The following CD36 variants were observed in gnomAD, a reference collection of about 807,000 sequenced individuals.
The protein encoded by CD36 is CD36 molecule (CD36 blood group).
In CD36, 119 loss-of-function variants were observed where a neutral mutation model predicts 55.2. That is an observed-to-expected ratio of 2.15 (90% confidence interval 1.86 to 2.51). CD36 has a LOEUF of 2.51. Ranked by LOEUF, CD36 falls within the 30% of genes most tolerant of loss-of-function variation. The probability of loss-of-function intolerance (pLI) is 0.00; values close to 1 mark genes in which losing one functional copy is unlikely to be tolerated. For synonymous variants in CD36, 186 were observed against 193.6 expected (o/e 0.96, Z 0.33); for missense variants, 819 against 555.5 (o/e 1.47, Z -4.77).
At chr7:80,610,734 C>G (rs937051799) in intron 1 of CD36, among the ~76,000 whole-genome samples, 2 of 152,040 alleles carry the variant, frequency 1.3e-5, no homozygotes, top group Non-Finnish European at 2.9e-5. Flanking sequence ...GCCACCACGC[C>G]TGGCTAATTT....
Position 80,677,580 on chromosome 7 carries a change from C to T in CD36, c.*1197C>T, listed in dbSNP as rs991648436. ...TGCTTAAAGCATACTTAGTGCCTTTCCTTTTAACTGGGAAGATAAAAGAAG... is the reference window on the plus strand; with the variant it reads ...TGCTTAAAGCATACTTAGTGCCTTTTCTTTTAACTGGGAAGATAAAAGAAG... On this transcript the variant is annotated 3_prime_UTR_variant, in exon 15 of 15. Transcript: ENST00000447544. 7.9e-5 allele frequency: 12 copies of T among 152,122 alleles called. No individual in the cohort carries two copies. Among genetic ancestry groups the T allele is most frequent in the African/African-American group, 2.7e-4 (11 of 41,424 alleles). The allele number at this position is 152,122 out of a possible 1,614,324, so 9.4% of individuals were successfully genotyped here. A position where few individuals can be genotyped will look rare whatever the true frequency, so the allele number is the denominator to read the frequency against.
intron 13 of CD36, 170 bp downstream of exon 13, chr7:80,673,579 A>T (rs1001555348): frequency 1.0e-5 from 6 of 584,536 alleles, no homozygotes; most frequent in Admixed American, 3.2e-5. Context: ...GAACAAAAAC[A>T]TTTCCTATCA....
chr7:80,641,205 T>A (rs1226572638), intron 1 of CD36, among the ~76,000 whole-genome samples: 1 of 152,074 alleles, frequency 6.6e-6, no homozygotes, highest in Non-Finnish European at 1.5e-5. Context: ...CTAAACATGA[T>A]TTTATAAAGA....
intron 8 of CD36, 40 bp downstream of exon 8, chr7:80,666,529 C>A: frequency 2.1e-6 from 3 of 1,449,244 alleles, no homozygotes; most frequent in Non-Finnish European, 2.9e-6. Flanking sequence ...GTTAATCCAC[C>A]TCCCTTTCCC....
intron 1 of CD36, among the ~76,000 whole-genome samples, chr7:80,609,046 T>C (rs1018688262): frequency 1.3e-5 from 2 of 151,562 alleles, no homozygotes; most frequent in Non-Finnish European, 2.9e-5. Flanking sequence ...TAAACCCAAA[T>C]TTTGTCATGC....
chr7:80,652,005 TATA>T (rs1261182037), intron 3 of CD36, among the ~76,000 whole-genome samples: 1 of 152,166 alleles, frequency 6.6e-6, no homozygotes, highest in African/African-American at 2.4e-5. Flanking sequence ...TATTTCCAGA[TATA>T]ATAAAATAAT....
chr7:80,664,828 A>G (rs879274391), intron 7 of CD36, among the ~76,000 whole-genome samples: 4 of 143,980 alleles, frequency 2.8e-5, no homozygotes, highest in Non-Finnish European at 6.1e-5. Context: ...TATTCTTACA[A>G]TTAGATAACC....
intron 1 of CD36, among the ~76,000 whole-genome samples, chr7:80,611,246 C>G (rs10429164): frequency 0.13 from 19,267 of 152,152 alleles, 1,740 homozygotes; most frequent in East Asian, 0.34. Context: ...CTCTGCCCCC[C>G]TGTTGTGACC....
At position 80,671,001 on chromosome 7, in the gene CD36, C is replaced by G. The variant is rs372529585; in HGVS notation, c.843C>G (p.Ser281=). 6.2e-7 allele frequency: 1 copy of G among 1,613,014 alleles called. No homozygotes were observed. Among genetic ancestry groups the G allele is most frequent in the South Asian group, 1.1e-5 (1 of 91,058 alleles). ...ICRSIYAVFE[S]DVNLKGIPVY... ...GGTCAATCTATGCTGTATTTGAATC[C>G]GACGTTAATCTGAAAGGAATCCCTG... Residue 281 remains serine, a synonymous_variant, in exon 10 of 15, where the codon TCC becomes TCG. Transcript: ENST00000447544.
At chr7:80,629,460 A>G (rs1210532746) in intron 1 of CD36, among the ~76,000 whole-genome samples, 1 of 152,036 alleles carries the variant, frequency 6.6e-6, no homozygotes, top group Non-Finnish European at 1.5e-5. Context: ...GTACCTTGAC[A>G]TTTTTAGAGG....
chr7:80,674,599 G>A (rs555886838), intron 14 of CD36, among the ~76,000 whole-genome samples: 8 of 152,028 alleles, frequency 5.3e-5, no homozygotes, highest in East Asian at 1.9e-4. Context: ...TCAGGAAATA[G>A]GGGAAAATAG....
chr7:80,670,955 G>A (rs745886485), intron 9 of CD36, 22 bp from the exon 10 acceptor site: 1 of 1,573,306 alleles, frequency 6.4e-7, no homozygotes, highest in Non-Finnish European at 8.7e-7. Context: ...CTGGAATGCA[G>A]CTCTTTTTTC....
intron 5 of CD36, among the ~76,000 whole-genome samples, chr7:80,662,123 G>GCA (rs1796582209): frequency 6.6e-6 from 1 of 152,182 alleles, no homozygotes; most frequent in East Asian, 1.9e-4. Flanking sequence ...CTCTGCATTA[G>GCA]CACACTGGCA....
At chr7:80,620,803 A>C (rs1453610200) in intron 1 of CD36, among the ~76,000 whole-genome samples, 1 of 152,228 alleles carries the variant, frequency 6.6e-6, no homozygotes, top group African/African-American at 2.4e-5. Context: ...GTTAAGGGAA[A>C]TAAGAACCAG....
Position 80,671,036 on chromosome 7 carries a change from T to G in CD36, c.878T>G (p.Phe293Cys). The stretch of plus-strand genomic sequence containing the variant: ...CTGAAAGGAATCCCTGTGTATAGAT[T>G]TGTTCTTCCATCCAAGGCCTTTGCC... ...VNLKGIPVYRFVLPSKAFASP... is the reference protein window; with the variant it reads ...VNLKGIPVYRCVLPSKAFASP... The change falls in exon 10 of 15, where the codon TTT becomes TGT. Residue 293 changes from phenylalanine to cysteine, a missense_variant. Transcript: ENST00000447544. 3 of 1,613,290 alleles carry G rather than the reference T, an allele frequency of 1.9e-6. No homozygotes were observed. Among genetic ancestry groups the G allele is most frequent in the Middle Eastern group, 3.3e-4 (2 of 6,058 alleles).
chr7:80,651,908 C>G (rs1795654272), intron 3 of CD36, among the ~76,000 whole-genome samples: 1 of 151,812 alleles, frequency 6.6e-6, no homozygotes, highest in African/African-American at 2.4e-5. Flanking sequence ...GACCCTGTCT[C>G]CCCCCGCAAA....
intron 3 of CD36, among the ~76,000 whole-genome samples, chr7:80,651,391 A>G (rs188963883): frequency 6.6e-6 from 1 of 152,240 alleles, no homozygotes; most frequent in Admixed American, 6.5e-5. Flanking sequence ...CCCTAAAATA[A>G]AAGTTGGAAG....
Position 80,665,331 on chromosome 7 carries a change from G to C in CD36, c.701+834G>C, listed in dbSNP as rs574026655. 3.3e-5 allele frequency among the ~76,000 whole-genome samples: 5 copies of C among 149,544 alleles called. No individual in the cohort carries two copies. The East Asian group carries it at 9.7e-4, about 29-fold the overall frequency. ...CCATAAAATTAACAATTGTGTGTTT[G>C]ACTAGTTTTTTTCTGAAAAAGAATA... On this transcript the variant is annotated intron_variant, in intron 7 of 14. Coordinates refer to ENST00000447544, the MANE Select transcript of CD36 (RefSeq NM_001001548.3).
At chr7:80,654,850 ACTTC>A (rs1403604557) in intron 3 of CD36, among the ~76,000 whole-genome samples, 1 of 148,958 alleles carries the variant, frequency 6.7e-6, no homozygotes, top group African/African-American at 2.5e-5. Context: ...ACTTAATTTG[ACTTC>A]TACCAACTAA....
Sources: gnomAD v4.1 joint callset for allele counts (sites outside exome capture counted in the v4.1 genomes callset) on GRCh38, gnomAD v4.1.1 for gene constraint, MANE v1.5 for transcripts, NCBI Gene and HGNC (gene_info 2026-07-23, HGNC 2026-07-21) for gene names.